The following MCTP2 variants were observed in gnomAD, a reference collection of about 807,000 sequenced individuals.
MCTP2 encodes multiple C2 and transmembrane domain containing 2.
Under a neutral mutation model 111.6 loss-of-function variants are expected in MCTP2, and 132 were observed. The observed-to-expected ratio is 1.18, with a 90% CI of 1.03 to 1.37. The LOEUF is 1.37. Among genes scored for constraint, MCTP2 ranks in the 40% most tolerant of loss-of-function variants. The probability of loss-of-function intolerance (pLI) is 0.00; values close to 1 mark genes in which losing one functional copy is unlikely to be tolerated. For missense variants in MCTP2, 1,183 were observed against 1,067.9 expected, an observed-to-expected ratio of 1.11 and a Z score of -1.50; for synonymous variants, 395 against 387.7, an observed-to-expected ratio of 1.02 and a Z score of -0.22.
intron 17 of MCTP2, among the ~76,000 whole-genome samples, chr15:94,415,163 T>C (rs1251158674): frequency 2.0e-5 from 3 of 152,156 alleles, no homozygotes; most frequent in Admixed American, 6.5e-5. Context: ...AGAGTGTTAA[T>C]GCACTCTGCA....
At chr15:94,457,021 T>C (rs1269344097) in intron 19 of MCTP2, among the ~76,000 whole-genome samples, 1 of 152,220 alleles carries the variant, frequency 6.6e-6, no homozygotes, top group Non-Finnish European at 1.5e-5. Context: ...ATTTTTTCCT[T>C]TTGCAGCACA....
At chr15:94,245,301 T>C (rs1465921145) in intron 1 of MCTP2, among the ~76,000 whole-genome samples, 3 of 142,972 alleles carry the variant, frequency 2.1e-5, no homozygotes, top group Non-Finnish European at 3.0e-5. Flanking sequence ...TATATATTTA[T>C]ATACATATAT....
intron 17 of MCTP2, among the ~76,000 whole-genome samples, chr15:94,423,801 C>T (rs1012500742): frequency 2.7e-4 from 41 of 152,156 alleles, no homozygotes; most frequent in African/African-American, 9.6e-4. Flanking sequence ...TCCAGTGGTA[C>T]GTGATCTACT....
At chr15:94,328,619 A>G (rs1385649123) in intron 4 of MCTP2, among the ~76,000 whole-genome samples, 2 of 152,196 alleles carry the variant, frequency 1.3e-5, no homozygotes, top group Non-Finnish European at 2.9e-5. Flanking sequence ...AGTTAGTCCT[A>G]TCACACCATC....
intron 2 of MCTP2, among the ~76,000 whole-genome samples, chr15:94,304,286 A>T (rs917520418): frequency 2.0e-5 from 3 of 152,158 alleles, no homozygotes; most frequent in Admixed American, 6.5e-5. Flanking sequence ...TACTAAAAAT[A>T]TAAAAATTAG....
rs2074691557 is a variant in MCTP2, at chr15:94,480,873, C to G, written c.*1839C>G. The G allele has an allele frequency of 6.6e-6, 1 of 152,192 alleles. No homozygotes were observed. Among genetic ancestry groups the G allele is most frequent in the Non-Finnish European group, 1.5e-5 (1 of 68,028 alleles). 9.4% of individuals were successfully genotyped at this position (152,192 alleles called of 1,614,324 possible). ...AGGCATCATTAGTTAGACTTGTTTCCTCTGTAGCCCGATTGAAATTCTCAG... is the reference window on the plus strand; with the variant it reads ...AGGCATCATTAGTTAGACTTGTTTCGTCTGTAGCCCGATTGAAATTCTCAG... On this transcript the variant is annotated 3_prime_UTR_variant, in exon 23 of 23. Coordinates refer to ENST00000357742, the MANE Select transcript of MCTP2 (RefSeq NM_001385001.1).
At chr15:94,431,249 A>C (rs1039043501) in intron 17 of MCTP2, among the ~76,000 whole-genome samples, 2 of 152,224 alleles carry the variant, frequency 1.3e-5, no homozygotes, top group African/African-American at 4.8e-5. Flanking sequence ...ATAAGTGAAG[A>C]AATAGTCAAG....
At chr15:94,318,369 C>T (rs147473163) in intron 4 of MCTP2, among the ~76,000 whole-genome samples, 2,652 of 151,642 alleles carry the variant, frequency 0.017, 86 homozygotes, top group African/African-American at 0.06. Flanking sequence ...CTGCAACCTC[C>T]GCCTCCTGGG....
At position 94,480,799 on chromosome 15, in the gene MCTP2, T is replaced by C. The variant is rs2074687981; in HGVS notation, c.*1765T>C. 1 of 152,334 alleles carries C rather than the reference T, an allele frequency of 6.6e-6. No homozygotes were observed. The highest frequency in any genetic ancestry group is 2.1e-4 in the South Asian group (1 of 4,832). 9.4% of individuals were successfully genotyped at this position (152,334 alleles called of 1,614,324 possible). The stretch of plus-strand genomic sequence containing the variant: ...TAAAAGTGGAACCAATACTTTATTG[T>C]TGTTCTTTTGCTATAGAATTTCAAA... On this transcript the variant is annotated 3_prime_UTR_variant, in exon 23 of 23. Coordinates refer to ENST00000357742, the MANE Select transcript of MCTP2 (RefSeq NM_001385001.1).
At chr15:94,247,579 T>C (rs2072105762) in intron 1 of MCTP2, among the ~76,000 whole-genome samples, 1 of 151,958 alleles carries the variant, frequency 6.6e-6, no homozygotes, top group African/African-American at 2.4e-5. Context: ...CATTACGAAA[T>C]GATTGGGAAA....
intron 8 of MCTP2, among the ~76,000 whole-genome samples, chr15:94,349,357 C>T (rs2078171854): frequency 6.6e-6 from 1 of 152,172 alleles, no homozygotes; most frequent in Non-Finnish European, 1.5e-5. Context: ...TGCCCCAAAA[C>T]CTCTCACTGA....
At position 94,433,105 on chromosome 15, in the gene MCTP2, T is replaced by A. The variant is rs539180677; in HGVS notation, c.2086-7071T>A. On this transcript the variant is annotated intron_variant, in intron 17 of 22. Coordinates refer to ENST00000357742, the MANE Select transcript of MCTP2 (RefSeq NM_001385001.1). ...AGGGGATTTGTTAGATTTGTTCAAG[T>A]GTCTATGGCAATGCTAGCTAAGTTC... Among the ~76,000 whole-genome samples, 4 of 152,294 alleles carry A rather than the reference T, an allele frequency of 2.6e-5. No homozygotes were observed. In the South Asian group the frequency reaches 8.3e-4, roughly 32 times the overall value.
At chr15:94,360,172 A>G (rs912606351) in intron 10 of MCTP2, among the ~76,000 whole-genome samples, 1 of 152,150 alleles carries the variant, frequency 6.6e-6, no homozygotes, top group Non-Finnish European at 1.5e-5. Flanking sequence ...CTCTGGTTGC[A>G]TTACTTTGCA....
intron 1 of MCTP2, among the ~76,000 whole-genome samples, chr15:94,261,778 A>G (rs1051231745): frequency 6.6e-6 from 1 of 152,212 alleles, no homozygotes; most frequent in African/African-American, 2.4e-5. Context: ...AAGCTATCCA[A>G]AACCCCTGCT....
At chr15:94,437,550 T>C (rs2083546893) in intron 17 of MCTP2, among the ~76,000 whole-genome samples, 1 of 152,078 alleles carries the variant, frequency 6.6e-6, no homozygotes, top group Admixed American at 6.5e-5. Flanking sequence ...GAAATGTTAA[T>C]ATCAAGATAC....
intron 19 of MCTP2, among the ~76,000 whole-genome samples, chr15:94,456,016 G>T (rs80102837): frequency 0.015 from 2,233 of 152,076 alleles, 61 homozygotes; most frequent in African/African-American, 0.051. Context: ...TTTTTTATTT[G>T]AAAATAATGT....
chr15:94,369,535 T>C (rs1265805701), intron 11 of MCTP2, among the ~76,000 whole-genome samples: 1 of 152,188 alleles, frequency 6.6e-6, no homozygotes, highest in Non-Finnish European at 1.5e-5. Flanking sequence ...AAAGTAAATA[T>C]GAATCTAGGG....
At chr15:94,314,903 G>C in intron 3 of MCTP2, 1 of 377,018 alleles carries the variant, frequency 2.7e-6, no homozygotes, top group Non-Finnish European at 5.2e-6. Context: ...CACTAAGAGT[G>C]GGTGCCAGAG....
intron 1 of MCTP2, chr15:94,273,822 T>C (rs2074042384): frequency 9.2e-6 from 2 of 218,140 alleles, no homozygotes; most frequent in South Asian, 1.9e-4. Context: ...ATTGAGCAGG[T>C]GCAGTGTGAG....
Sources: gnomAD v4.1 joint callset for allele counts (sites outside exome capture counted in the v4.1 genomes callset) on GRCh38, gnomAD v4.1.1 for gene constraint, MANE v1.5 for transcripts, NCBI Gene and HGNC (gene_info 2026-07-23, HGNC 2026-07-21) for gene names.